DCLK1: variants seen among roughly 807,000 people sequenced by gnomAD.
DCLK1 encodes doublecortin like kinase 1.
In DCLK1, 16 loss-of-function variants were observed where a neutral mutation model predicts 86.2. The ratio of observed to expected loss-of-function variants is 0.19; its 90% CI spans 0.13 to 0.28. The LOEUF (loss-of-function observed/expected upper bound fraction) is 0.28, where lower values mean the gene tolerates loss of function less well. Among genes scored for constraint, DCLK1 ranks in the 10% least tolerant of loss-of-function variants. The pLI is 1.00. For missense variants in DCLK1, 590 were observed against 940.2 expected, an observed-to-expected ratio of 0.63 and a Z score of 4.87; for synonymous variants, 369 against 370.5, an observed-to-expected ratio of 1.00 and a Z score of 0.05.
intron 3 of DCLK1, among the ~76,000 whole-genome samples, chr13:36,045,129 G>C (rs1026498509): frequency 1.8e-4 from 27 of 150,252 alleles, no homozygotes; most frequent in Non-Finnish European, 1.5e-5. Flanking sequence ...ATGCAATAAA[G>C]TTGAAAAAAT....
At chr13:35,828,433 T>A in intron 8 of DCLK1, 126 bp from the exon 9 acceptor site, 3 of 762,344 alleles carry the variant, frequency 3.9e-6, no homozygotes, top group Non-Finnish European at 6.1e-6. Context: ...GTGAAAGGAT[T>A]TCCTTTCCTT....
At chr13:35,982,046 T>G (rs1879669730) in intron 3 of DCLK1, among the ~76,000 whole-genome samples, 1 of 152,172 alleles carries the variant, frequency 6.6e-6, no homozygotes, top group Non-Finnish European at 1.5e-5. Flanking sequence ...AAGGCTGAAA[T>G]TCTATGAATT....
intron 6 of DCLK1, chr13:35,846,186 C>T: frequency 2.0e-6 from 2 of 985,118 alleles, no homozygotes; most frequent in Non-Finnish European, 2.4e-6. Flanking sequence ...GAATACACAT[C>T]CAATCAACTG....
intron 16 of DCLK1, among the ~76,000 whole-genome samples, chr13:35,775,007 A>C (rs1244188842): frequency 6.6e-6 from 1 of 152,048 alleles, no homozygotes; most frequent in Non-Finnish European, 1.5e-5. Context: ...GGTGGCTCCT[A>C]GGCTAGCCAG....
rs1444221354 is a variant in DCLK1, at chr13:35,774,598, C to G, written c.2160G>C (p.Ser720=). ...AGCTTGGGGAGTAGTCTTCCGATTC[C>G]GAGTTGAGTTCGGGAGGAGCTGGCT... The part of the protein sequence containing the change: ...KAQPAPPELN[S]ESEDYSPSSS... Residue 720 remains serine (S), a synonymous_variant, in exon 17 of 17, where the codon TCG becomes TCC. Coordinates refer to ENST00000360631, the MANE Select transcript of DCLK1 (RefSeq NM_001330071.2). 1 of 1,587,342 alleles carries G rather than the reference C, an allele frequency of 6.3e-7. No individual in the cohort carries two copies. The highest frequency in any genetic ancestry group is 1.8e-5 in the Admixed American group (1 of 57,120).
intron 3 of DCLK1, among the ~76,000 whole-genome samples, chr13:36,103,721 G>A (rs192482971): frequency 3.1e-4 from 47 of 152,228 alleles, no homozygotes; most frequent in African/African-American, 1.1e-3. Flanking sequence ...AAACTAATCA[G>A]GAAAATCTGG....
At chr13:35,934,384 G>C (rs1876637559) in intron 4 of DCLK1, among the ~76,000 whole-genome samples, 1 of 152,088 alleles carries the variant, frequency 6.6e-6, no homozygotes, top group South Asian at 2.1e-4. Flanking sequence ...CCCGAGACTG[G>C]GCAATTTACA....
intron 5 of DCLK1, among the ~76,000 whole-genome samples, chr13:35,856,994 C>T (rs981229294): frequency 6.6e-6 from 1 of 152,130 alleles, no homozygotes; most frequent in African/African-American, 2.4e-5. Context: ...TACTACCTTG[C>T]CTTACTGTGC....
At chr13:35,930,230 G>C (rs1272327566) in intron 4 of DCLK1, among the ~76,000 whole-genome samples, 2 of 152,290 alleles carry the variant, frequency 1.3e-5, no homozygotes, top group East Asian at 1.9e-4. Flanking sequence ...AAGAATACTT[G>C]ACATGCAGTA....
At chr13:35,932,900 G>T (rs542632061) in intron 4 of DCLK1, among the ~76,000 whole-genome samples, 189 of 152,276 alleles carry the variant, frequency 1.2e-3, no homozygotes, top group African/African-American at 4.5e-3. Context: ...ACTCATTTCA[G>T]CCTTAACTCA....
chr13:35,978,296 C>G (rs1879459201), intron 3 of DCLK1, among the ~76,000 whole-genome samples: 1 of 141,152 alleles, frequency 7.1e-6, no homozygotes. Context: ...ACCTCTGCCT[C>G]TTGGGTTTAA....
intron 3 of DCLK1, among the ~76,000 whole-genome samples, chr13:36,025,999 C>G (rs180726114): frequency 2.8e-4 from 43 of 151,932 alleles, no homozygotes; most frequent in Admixed American, 5.9e-4. Flanking sequence ...TGTGTTTTCA[C>G]TAAACTTCCA....
intron 5 of DCLK1, among the ~76,000 whole-genome samples, chr13:35,867,002 C>G (rs1329366916): frequency 1.3e-5 from 2 of 152,162 alleles, no homozygotes; most frequent in African/African-American, 2.4e-5. Flanking sequence ...TCTAGGAGAA[C>G]TGGCAACACT....
chr13:35,796,454 C>T (rs1271607588), intron 15 of DCLK1, among the ~76,000 whole-genome samples: 1 of 152,066 alleles, frequency 6.6e-6, no homozygotes, highest in East Asian at 1.9e-4. Flanking sequence ...ATAGGTTTAC[C>T]TCTTTCTCTG....
At chr13:35,958,292 AACCACTATAATAAACACCACT>A in intron 3 of DCLK1, among the ~76,000 whole-genome samples, 2 of 458 alleles carry the variant, frequency 4.4e-3, no homozygotes, top group Middle Eastern at 0.5. Context: ...CTGCCACTAT[AACCACTATAATAAACACCACT>A]ACCACCACCA....
At chr13:35,867,804 C>T (rs560072430) in intron 5 of DCLK1, among the ~76,000 whole-genome samples, 21 of 143,804 alleles carry the variant, frequency 1.5e-4, no homozygotes, top group African/African-American at 4.3e-4. Context: ...TTAACATGTA[C>T]GCAAGAATCT....
intron 3 of DCLK1, among the ~76,000 whole-genome samples, chr13:35,953,963 C>T (rs763392325): frequency 3.9e-5 from 6 of 152,162 alleles, no homozygotes; most frequent in Non-Finnish European, 8.8e-5. Context: ...ATTTTGCTGT[C>T]ATCCATTTAA....
At chr13:35,907,686 A>G (rs1346860486) in intron 4 of DCLK1, among the ~76,000 whole-genome samples, 1 of 152,056 alleles carries the variant, frequency 6.6e-6, no homozygotes, top group Non-Finnish European at 1.5e-5. Context: ...AAGCCACCCC[A>G]TTTCTCTGCA....
At chr13:35,861,078 C>T (rs1232754931) in intron 5 of DCLK1, among the ~76,000 whole-genome samples, 2 of 152,110 alleles carry the variant, frequency 1.3e-5, no homozygotes, top group African/African-American at 2.4e-5. Context: ...TTATTTGGCA[C>T]ACAACAGGTG....
Sources: allele counts gnomAD v4.1 joint callset (sites outside exome capture counted in the v4.1 genomes callset), GRCh38; gene constraint gnomAD v4.1.1; transcripts MANE v1.5; gene names NCBI Gene and HGNC (gene_info 2026-07-23, HGNC 2026-07-21).